The following DCAF12L1 variants were observed in gnomAD, a reference collection of about 807,000 sequenced individuals.
The protein encoded by DCAF12L1 is DDB1 and CUL4 associated factor 12 like 1.
For missense variants in DCAF12L1, 251 were observed against 409.2 expected (o/e 0.61, Z 3.34); for synonymous variants, 218 against 196.4 (o/e 1.11, Z -0.92).
At position 126,552,144 on chromosome X, in the gene DCAF12L1, G is replaced by A. The variant is rs1927474017; in HGVS notation, c.465C>T (p.Ile155=). The A allele has an allele frequency of 8.3e-7, 1 of 1,211,542 alleles. No homozygotes were observed. Among genetic ancestry groups the A allele is most frequent in the Admixed American group, 2.2e-5 (1 of 46,059 alleles). ...GAAGCGTCTTGGAGGGATTCAGCTCGATGGCATGGATGCCGCAGCCCTGTT... is the reference window on the plus strand; with the variant it reads ...GAAGCGTCTTGGAGGGATTCAGCTCAATGGCATGGATGCCGCAGCCCTGTT... ...QDQQGCGIHA[I]ELNPSKTLLA... The change falls in exon 1 of 2, where the codon ATC becomes ATT. Residue 155 remains isoleucine (I), a synonymous_variant. Coordinates refer to ENST00000371126, the MANE Select transcript of DCAF12L1 (RefSeq NM_178470.5).
rs1927431651 is a variant in DCAF12L1, at chrX:126,549,724, A to G, written c.*1406T>C. 1.8e-5 allele frequency: 2 copies of G among 112,323 alleles called. No homozygotes were observed. Among genetic ancestry groups the G allele is most frequent in the Non-Finnish European group, 3.8e-5 (2 of 53,269 alleles). The allele number at this position is 112,323 out of a possible 1,213,427, so 9.3% of individuals were successfully genotyped here. ...TGTTCGGATTTGTGACTGAACAGCA[A>G]TGTTGTGTGTGTGCACCAAGATAGC... On this transcript the variant is annotated 3_prime_UTR_variant, in exon 2 of 2. Coordinates refer to ENST00000371126, the MANE Select transcript of DCAF12L1 (RefSeq NM_178470.5).
At position 126,552,213 on chromosome X, in the gene DCAF12L1, G is replaced by A. The variant is rs779175095; in HGVS notation, c.396C>T (p.Arg132=). 1.6e-6 allele frequency: 2 copies of A among 1,212,635 alleles called. No homozygotes were observed. Among genetic ancestry groups the A allele is most frequent in the Admixed American group, 4.3e-5 (2 of 46,190 alleles). The change falls in exon 1 of 2, where the codon CGC becomes CGT. Residue 132 remains arginine, a synonymous_variant. Coordinates refer to ENST00000371126, the MANE Select transcript of DCAF12L1 (RefSeq NM_178470.5). ...VVDVESGHIA[R]IPLLRDSEAR... ...CCTCACTGTCCCGCAAGAGGGGAAT[G>A]CGCGCGATGTGGCCTGACTCCACGT...
rs757522815 is a variant in DCAF12L1 at position 126,551,087 on chromosome X, A to G, written c.*43T>C. 8 of 834,693 alleles carry G rather than the reference A, an allele frequency of 9.6e-6. 1 individual carries two copies. The highest frequency in any genetic ancestry group is 1.3e-5 in the Non-Finnish European group (8 of 607,215). The allele number at this position is 834,693 out of a possible 1,213,427, so 68.8% of individuals were successfully genotyped here. A position where few individuals can be genotyped will look rare whatever the true frequency, so the allele number is the denominator to read the frequency against. ...ACTCTCTCTGCTTGGAGGAGTACAAATTAAGCTGGGCTGGTTCCACCTGGA... is the reference window on the plus strand; with the variant it reads ...ACTCTCTCTGCTTGGAGGAGTACAAGTTAAGCTGGGCTGGTTCCACCTGGA... On this transcript the variant is annotated 3_prime_UTR_variant, in exon 2 of 2. Coordinates refer to ENST00000371126, the MANE Select transcript of DCAF12L1 (RefSeq NM_178470.5).
At position 126,551,435 on chromosome X, in the gene DCAF12L1, C is replaced by G. The variant is rs1602583695; in HGVS notation, c.1174G>C (p.Glu392Gln). Residue 392 changes from glutamate to glutamine, a missense_variant, in exon 1 of 2, where the codon GAG becomes CAG. By Grantham distance (29) the Glu-to-Gln change is conservative. Coordinates refer to ENST00000371126, the MANE Select transcript of DCAF12L1 (RefSeq NM_178470.5). ...FLEERASATL[E>Q]SSSGPARRKL... Reference sequence around the variant, plus strand: ...CTCCTTGCAGGTCCCGAAGAGGACTCCAGGGTGGCGGAGGCTCTTTCCTCC... The same window carrying G: ...CTCCTTGCAGGTCCCGAAGAGGACTGCAGGGTGGCGGAGGCTCTTTCCTCC... 8.3e-7 allele frequency: 1 copy of G among 1,211,831 alleles called. No individual in the cohort carries two copies. The highest frequency in any genetic ancestry group is 1.1e-6 in the Non-Finnish European group (1 of 895,525).
chrX:126,552,288 G>A lies in DCAF12L1; in HGVS notation c.321C>T (p.Asn107=), dbSNP rs780136639. 2.1e-5 allele frequency: 26 copies of A among 1,211,320 alleles called. No homozygotes were observed. In the African/African-American group the frequency reaches 2.9e-4, roughly 14 times the overall value. Residue 107 remains asparagine (N), a synonymous_variant, in exon 1 of 2, where the codon AAC becomes AAT. Transcript: ENST00000371126. The stretch of plus-strand genomic sequence containing the variant: ...TGGTGCCGCACACCACCTGCCTGGA[G>A]TTCAGCCACTGTGACGCGAACACCT... ...VNKVFASQWL[N]SRQVVCGTKC...
In DCAF12L1 at chrX:126,551,436, C is replaced by T; in HGVS notation, c.1173G>A (p.Leu391=). 3.3e-6 allele frequency: 4 copies of T among 1,211,883 alleles called. No individual in the cohort carries two copies. Among genetic ancestry groups the T allele is most frequent in the Non-Finnish European group, 3.3e-6 (3 of 895,526 alleles). Residue 391 remains leucine, a synonymous_variant, in exon 1 of 2, where the codon CTG becomes CTA. Coordinates refer to ENST00000371126, the MANE Select transcript of DCAF12L1 (RefSeq NM_178470.5). ...KFLEERASAT[L]ESSSGPARRK... ...TCCTTGCAGGTCCCGAAGAGGACTC[C>T]AGGGTGGCGGAGGCTCTTTCCTCCA...
chrX:126,551,169 C>T, intron 1 of DCAF12L1, 26 bp downstream of exon 1: 1 of 1,152,803 alleles, frequency 8.7e-7, no homozygotes, highest in Non-Finnish European at 1.2e-6. Flanking sequence ...GGCAGTCGGG[C>T]GGAACTGAAA....
chrX:126,552,644 G>A lies in DCAF12L1; in HGVS notation c.-36C>T, dbSNP rs746844490. 3.8e-5 allele frequency: 46 copies of A among 1,195,023 alleles called. No individual in the cohort carries two copies. The highest frequency in any genetic ancestry group is 5.0e-5 in the Non-Finnish European group (45 of 891,509). ...GGGCGAGCGGCGGCGGCAAGGCGTT[G>A]GTGGCGGTTGCAGCGCGTGGCTCCG... On this transcript the variant is annotated 5_prime_UTR_variant, in exon 1 of 2. Coordinates refer to ENST00000371126, the MANE Select transcript of DCAF12L1 (RefSeq NM_178470.5).
At position 126,551,401 on chromosome X, in the gene DCAF12L1, C is replaced by T; in HGVS notation, c.1208G>A (p.Arg403Lys). Residue 403 changes from arginine (R) to lysine (K), a missense_variant, in exon 1 of 2, where the codon AGG becomes AAG. Coordinates refer to ENST00000371126, the MANE Select transcript of DCAF12L1 (RefSeq NM_178470.5). Reference sequence around the variant, plus strand: ...GAGCCAGCCTCTGCCACAGGCAAGCCTGAGCTTCCTCCTTGCAGGTCCCGA... The same window carrying T: ...GAGCCAGCCTCTGCCACAGGCAAGCTTGAGCTTCCTCCTTGCAGGTCCCGA... ...SSSGPARRKLRLACGRGWLNH... is the reference protein window; with the variant it reads ...SSSGPARRKLKLACGRGWLNH... 2.5e-6 allele frequency: 3 copies of T among 1,212,045 alleles called. No individual in the cohort carries two copies. Among genetic ancestry groups the T allele is most frequent in the Non-Finnish European group, 3.3e-6 (3 of 895,617 alleles).
rs541923924 is a variant in DCAF12L1 at position 126,549,916 on chromosome X, A to T, written c.*1214T>A. ...TCATAGCAGTCCACAATTTATATTT[A>T]TCTGCGCTCCAATATACTTTTCTTC... On this transcript the variant is annotated 3_prime_UTR_variant, in exon 2 of 2. Transcript: ENST00000371126. 134 of 112,334 alleles carry T rather than the reference A, an allele frequency of 1.2e-3. No homozygotes were observed. Among genetic ancestry groups the T allele is most frequent in the African/African-American group, 4.2e-3 (130 of 30,963 alleles). The allele number at this position is 112,334 out of a possible 1,213,427, so 9.3% of individuals were successfully genotyped here. A position where few individuals can be genotyped will look rare whatever the true frequency, so the allele number is the denominator to read the frequency against.
In DCAF12L1 at chrX:126,552,098, G is replaced by C. The variant is rs375613009; in HGVS notation, c.511C>G (p.Pro171Ala). The C allele has an allele frequency of 3.3e-6, 4 of 1,211,316 alleles. No individual in the cohort carries two copies. In the African/African-American group the frequency reaches 6.9e-5, roughly 21 times the overall value. Residue 171 changes from proline (P) to alanine (A), a missense_variant, in exon 1 of 2, where the codon CCC becomes GCC. Physicochemically the swap from Pro to Ala is conservative, Grantham distance 27. Transcript: ENST00000371126. ...KTLLATGGEN[P>A]NSLAIYQLPS... ...AGCTGGTAGATGGCCAGGCTGTTGGGGTTTTCGCCGCCGGTGGCCAGAAGC... is the reference window on the plus strand; with the variant it reads ...AGCTGGTAGATGGCCAGGCTGTTGGCGTTTTCGCCGCCGGTGGCCAGAAGC...
rs1331995140 is a variant in DCAF12L1, at chrX:126,552,746, C to T, written c.-138G>A. 3 of 1,000,493 alleles carry T rather than the reference C, an allele frequency of 3.0e-6. No homozygotes were observed. In the African/African-American group the frequency reaches 6.0e-5, roughly 20 times the overall value. 82.5% of individuals were successfully genotyped at this position (1,000,493 alleles called of 1,213,427 possible). ...ATTCTGAGGCGCGGCAGTGGCGGAC[C>T]GGGTGAGGGACGCGCGGGAGAGGGC... is the stretch of plus-strand genomic sequence containing the variant. On this transcript the variant is annotated 5_prime_UTR_variant, in exon 1 of 2. Coordinates refer to ENST00000371126, the MANE Select transcript of DCAF12L1 (RefSeq NM_178470.5).
In DCAF12L1 at chrX:126,551,493, C is replaced by T; in HGVS notation, c.1116G>A (p.Leu372=). The change falls in exon 1 of 2, where the codon CTG becomes CTA. Residue 372 remains leucine, a synonymous_variant. Coordinates refer to ENST00000371126, the MANE Select transcript of DCAF12L1 (RefSeq NM_178470.5). ...IITVGTGQGS[L]LFYDVRAQKF... ...TCTGGGCCCGGACGTCATAGAAGAG[C>T]AGGGAGCCCTGACCGGTGCCCACAG... 8.3e-7 allele frequency: 1 copy of T among 1,209,869 alleles called. No individual in the cohort carries two copies. The highest frequency in any genetic ancestry group is 3.0e-5 in the East Asian group (1 of 33,712).
chrX:126,549,917 T>G lies in DCAF12L1; in HGVS notation c.*1213A>C, dbSNP rs2147229888. 8.9e-6 allele frequency: 1 copy of G among 112,418 alleles called. No individual in the cohort carries two copies. Among genetic ancestry groups the G allele is most frequent in the East Asian group, 2.8e-4 (1 of 3,574 alleles). The allele number at this position is 112,418 out of a possible 1,213,427, so 9.3% of individuals were successfully genotyped here. On this transcript the variant is annotated 3_prime_UTR_variant, in exon 2 of 2. Coordinates refer to ENST00000371126, the MANE Select transcript of DCAF12L1 (RefSeq NM_178470.5). ...CATAGCAGTCCACAATTTATATTTA[T>G]CTGCGCTCCAATATACTTTTCTTCA...
rs1329831649 is a variant in DCAF12L1, at chrX:126,550,326, T to A, written c.*804A>T. On this transcript the variant is annotated 3_prime_UTR_variant, in exon 2 of 2. Coordinates refer to ENST00000371126, the MANE Select transcript of DCAF12L1 (RefSeq NM_178470.5). Reference sequence around the variant, plus strand: ...TTCCTGCTTTTCATGATGGCTCCAATGCCCTGTGCAAGTTTTTCAAACAAC... The same window carrying A: ...TTCCTGCTTTTCATGATGGCTCCAAAGCCCTGTGCAAGTTTTTCAAACAAC... 8.9e-6 allele frequency: 1 copy of A among 112,605 alleles called. No homozygotes were observed. 9.3% of individuals were successfully genotyped at this position (112,605 alleles called of 1,213,427 possible).
chrX:126,551,781 T>A lies in DCAF12L1; in HGVS notation c.828A>T (p.Glu276Asp). The A allele has an allele frequency of 8.2e-7, 1 of 1,212,210 alleles. No homozygotes were observed. The highest frequency in any genetic ancestry group is 1.8e-5 in the South Asian group (1 of 57,018). ...RALACGGKNQ[E>D]LGAVSLDGYF... is the part of the protein sequence containing the mutation. ...AGCCGTCCAAGGACACCGCTCCCAG[T>A]TCCTGGTTCTTGCCGCCGCAGGCCA... Residue 276 changes from glutamate (E) to aspartate (D), a missense_variant, in exon 1 of 2, where the codon GAA becomes GAT. Glu to Asp is a conservative substitution (Grantham distance 45). Transcript: ENST00000371126.
In DCAF12L1 at chrX:126,551,914, G is replaced by T. The variant is rs771333085; in HGVS notation, c.695C>A (p.Ala232Asp). 2 of 1,211,311 alleles carry T rather than the reference G, an allele frequency of 1.7e-6. No individual in the cohort carries two copies. Among genetic ancestry groups the T allele is most frequent in the African/African-American group, 3.5e-5 (2 of 57,674 alleles). ...MDPDKFDDTV[A>D]WHSEVGLPVY... ...GGGGAGACCCACCTCGCTATGCCAG[G>T]CAACAGTGTCATCGAACTTGTCCGG... The change falls in exon 1 of 2, where the codon GCC becomes GAC. Residue 232 changes from alanine to aspartate, a missense_variant. Ala to Asp is a moderately radical substitution (Grantham distance 126). Coordinates refer to ENST00000371126, the MANE Select transcript of DCAF12L1 (RefSeq NM_178470.5).
In DCAF12L1 at chrX:126,552,317, T is replaced by C. The variant is rs1307634289; in HGVS notation, c.292A>G (p.Asn98Asp). The change falls in exon 1 of 2, where the codon AAC (asparagine) becomes GAC (aspartate). Residue 98 changes from asparagine to aspartate, a missense_variant. By Grantham distance (23) the Asn-to-Asp change is conservative (BLOSUM62 1). Transcript: ENST00000371126. ...TERQLELGTV[N>D]KVFASQWLNS... ...AGCCACTGTGACGCGAACACCTTGT[T>C]GACCGTGCCCAGCTCCAGTTGGCGC... The C allele has an allele frequency of 4.1e-6, 5 of 1,211,104 alleles. No homozygotes were observed. Among genetic ancestry groups the C allele is most frequent in the Non-Finnish European group, 5.6e-6 (5 of 895,412 alleles).
rs1431901402 is a variant in DCAF12L1 at position 126,552,414 on chromosome X, G to C, written c.195C>G (p.Pro65=). Residue 65 remains proline, a synonymous_variant, in exon 1 of 2, where the codon CCC becomes CCG. Transcript: ENST00000371126. ...CGCCATCGAAGCCCTGGAGCCTGGC[G>C]GGGCCCCACCCGCCTACCTCCCGAA... ...LKVREVGGWG[P]ARLQGFDGEL... 3 of 1,211,035 alleles carry C rather than the reference G, an allele frequency of 2.5e-6. No individual in the cohort carries two copies. Among genetic ancestry groups the C allele is most frequent in the Admixed American group, 4.3e-5 (2 of 46,101 alleles).
Sources: allele counts gnomAD v4.1 joint callset, GRCh38; gene constraint gnomAD v4.1.1; transcripts MANE v1.5; gene names NCBI Gene and HGNC (gene_info 2026-07-23, HGNC 2026-07-21).